Variants in LRRK1 observed in about 807,000 individuals in gnomAD.
LRRK1 encodes the protein leucine-rich repeat serine/threonine-protein kinase 1.
In LRRK1, 113 loss-of-function variants were observed where a neutral mutation model predicts 209.1. The ratio of observed to expected loss-of-function variants is 0.54; its 90% CI spans 0.46 to 0.63. The LOEUF (loss-of-function observed/expected upper bound fraction) is 0.63, where lower values mean the gene tolerates loss of function less well. LRRK1 is among the 30% of genes least tolerant of loss of function. The pLI is 0.00. For synonymous variants in LRRK1, 1,144 were observed against 1,099.7 expected (o/e 1.04, Z -0.80); for missense variants, 2,284 against 2,632.2 (o/e 0.87, Z 2.89).
At chr15:101,052,861 GC>G in intron 24 of LRRK1, 60 bp from the exon 25 acceptor site, 1 of 1,564,448 alleles carries the variant, frequency 6.4e-7, no homozygotes, top group Non-Finnish European at 8.7e-7. Context: ...AAATGACCCA[GC>G]CCAGGACCCA....
chr15:100,974,212 C>T lies in LRRK1; in HGVS notation c.261+245C>T, dbSNP rs2031158418. 6 of 375,792 alleles carry T rather than the reference C, an allele frequency of 1.6e-5. No homozygotes were observed. In the Admixed American group the frequency reaches 2.7e-4, roughly 17 times the overall value. 23.3% of individuals were successfully genotyped at this position (375,792 alleles called of 1,614,324 possible). On this transcript the variant is annotated intron_variant, in intron 3 of 33. Transcript: ENST00000388948. ...GGCCTTTGAGGGACGGGGGTGTGGT[C>T]ACTTAAATGTAAAGAACAAAATGCC...
rs1555460104 is a variant in LRRK1, at chr15:100,951,964, A to AAT, written c.98-21839_98-21838insTA. Among the ~76,000 whole-genome samples the AAT allele has an allele frequency of 5.0e-3, 730 of 146,550 alleles. 4 individuals carry two copies. The highest frequency in any genetic ancestry group is 0.018 in the Middle Eastern group (5 of 282). ...GCGAAACTCCATCTCAGAAAAAAAAAAATAATAATAATAATAATAATAAAA... is the reference window on the plus strand; with the variant it reads ...GCGAAACTCCATCTCAGAAAAAAAAAATAATAATAATAATAATAATAATAAAA... On this transcript the variant is annotated intron_variant, in intron 2 of 33. Coordinates refer to ENST00000388948, the MANE Select transcript of LRRK1 (RefSeq NM_024652.6).
At chr15:100,998,582 C>T (rs1002377847) in intron 6 of LRRK1, among the ~76,000 whole-genome samples, 10 of 123,964 alleles carry the variant, frequency 8.1e-5, no homozygotes, top group East Asian at 2.6e-4. Flanking sequence ...TTTGCCCCTC[C>T]GTATAGGACT....
In LRRK1 at chr15:101,058,249, G is replaced by A. The variant is rs368144894; in HGVS notation, c.4679+108G>A. 48 of 1,160,618 alleles carry A rather than the reference G, an allele frequency of 4.1e-5. No individual in the cohort carries two copies. The South Asian group carries it at 4.4e-4, about 11-fold the overall frequency. 71.9% of individuals were successfully genotyped at this position (1,160,618 alleles called of 1,614,324 possible). On this transcript the variant is annotated intron_variant, in intron 29 of 33. Coordinates refer to ENST00000388948, the MANE Select transcript of LRRK1 (RefSeq NM_024652.6). ...CCACAGTGAGAATTATTTAGCAGAC[G>A]GTAGGGTCCAGAACCTGGTTAGACT...
intron 23 of LRRK1, among the ~76,000 whole-genome samples, chr15:101,050,518 G>A (rs969951991): frequency 3.0e-4 from 45 of 151,880 alleles, no homozygotes; most frequent in Middle Eastern, 3.4e-3. Flanking sequence ...CAGGCTGCCC[G>A]AGAGCCTCAG....
At chr15:101,035,093 A>G (rs574898489) in intron 20 of LRRK1, among the ~76,000 whole-genome samples, 20 of 151,338 alleles carry the variant, frequency 1.3e-4, no homozygotes, top group African/African-American at 4.8e-4. Context: ...ATTCCATTTT[A>G]TTTCTGCTCT....
rs370160610 is a variant in LRRK1 at position 100,963,766 on chromosome 15, G to A, written c.98-10038G>A. On this transcript the variant is annotated intron_variant, in intron 2 of 33. Transcript: ENST00000388948. ...CTCCCGCTTTCTGAAATGACCATCC[G>A]GTTGGCAAGGCCTCCCACGATGGCC... Among the ~76,000 whole-genome samples the A allele has an allele frequency of 1.6e-4, 25 of 152,274 alleles. 2 individuals are homozygous for A. The highest frequency in any genetic ancestry group is 7.8e-4 in the Admixed American group (12 of 15,304).
At chr15:100,988,609 C>T in intron 4 of LRRK1, 25 bp from the exon 5 acceptor site, 4 of 1,613,250 alleles carry the variant, frequency 2.5e-6, no homozygotes, top group Non-Finnish European at 3.4e-6. Context: ...TGGCACTTTC[C>T]CTTTGTCCTG....
chr15:101,002,939 C>T (rs570024212), intron 6 of LRRK1, among the ~76,000 whole-genome samples: 3 of 152,134 alleles, frequency 2.0e-5, no homozygotes, highest in Non-Finnish European at 2.9e-5. Context: ...ACCATGTTGT[C>T]CAGGCTGATC....
chr15:101,072,095 A>G lies in LRRK1; in HGVS notation c.*3247A>G, dbSNP rs1441189723. ...GCAGGATTATTAGATGATTCAGTCA[A>G]CTTTACAACTCACTTTGCTGAATGG... On this transcript the variant is annotated 3_prime_UTR_variant, in exon 34 of 34. Transcript: ENST00000388948. 6.6e-6 allele frequency: 1 copy of G among 152,230 alleles called. No individual in the cohort carries two copies. Among genetic ancestry groups the G allele is most frequent in the Non-Finnish European group, 1.5e-5 (1 of 68,048 alleles). The allele number at this position is 152,230 out of a possible 1,614,324, so 9.4% of individuals were successfully genotyped here.
rs568094193 is a variant in LRRK1 at position 101,024,651 on chromosome 15, T to C, written c.2068-152T>C. 2 of 816,214 alleles carry C rather than the reference T, an allele frequency of 2.5e-6. No homozygotes were observed. Among genetic ancestry groups the C allele is most frequent in the Non-Finnish European group, 3.8e-6 (2 of 525,046 alleles). 50.6% of individuals were successfully genotyped at this position (816,214 alleles called of 1,614,324 possible). A position where few individuals can be genotyped will look rare whatever the true frequency, so the allele number is the denominator to read the frequency against. On this transcript the variant is annotated intron_variant, in intron 15 of 33. Transcript: ENST00000388948. The surrounding 1 kb of genome is among the most constrained non-coding windows in gnomAD (Gnocchi z 4.6). ...CCTGTCCCTCGCCCAGATAACTGTT[T>C]CCTAAGAAACAATAGAGTGTCCAGA...
chr15:100,965,480 C>T (rs992616959), intron 2 of LRRK1, among the ~76,000 whole-genome samples: 2 of 152,168 alleles, frequency 1.3e-5, no homozygotes, highest in African/African-American at 4.8e-5. Flanking sequence ...CATTGAAATA[C>T]CAGCATACAG....
In LRRK1 at chr15:100,929,825, G is replaced by A. The variant is rs957420646; in HGVS notation, c.97+5096G>A. Among the ~76,000 whole-genome samples, 3 of 152,246 alleles carry A rather than the reference G, an allele frequency of 2.0e-5. No homozygotes were observed. The East Asian group carries it at 5.8e-4, about 29-fold the overall frequency. ...CAGCCCCTCCAGGGAGCACAGCCAC[G>A]TCTGGTCAGGAATCTTTTAATGAGT... On this transcript the variant is annotated intron_variant, in intron 2 of 33. Coordinates refer to ENST00000388948, the MANE Select transcript of LRRK1 (RefSeq NM_024652.6).
At chr15:101,014,103 C>G (rs1045173128) in intron 10 of LRRK1, among the ~76,000 whole-genome samples, 29 of 152,104 alleles carry the variant, frequency 1.9e-4, no homozygotes, top group African/African-American at 7.0e-4. Context: ...GAGGGAGGAG[C>G]TCCTGTAGAT....
In LRRK1 at chr15:101,061,216, G is replaced by C; in HGVS notation, c.4725G>C (p.Gln1575His). The C allele has an allele frequency of 2.5e-6, 4 of 1,614,206 alleles. No homozygotes were observed. Among genetic ancestry groups the C allele is most frequent in the Non-Finnish European group, 2.5e-6 (3 of 1,180,032 alleles). ...VNTEKGLMEVQRMCCPGMKVS... is the reference protein window; with the variant it reads ...VNTEKGLMEVHRMCCPGMKVS... Reference sequence around the variant, plus strand: ...CAGAGAAGGGCCTCATGGAGGTGCAGAGGATGTGCTGCCCTGGGATGAAGG... The same window carrying C: ...CAGAGAAGGGCCTCATGGAGGTGCACAGGATGTGCTGCCCTGGGATGAAGG... Residue 1575 changes from glutamine to histidine, a missense_variant, in exon 30 of 34, where the codon CAG (glutamine) becomes CAC (histidine). Around this residue, in one of 6 missense-constraint regions of LRRK1, gnomAD observed 643 missense variants for 695.9 expected, o/e 0.92. Coordinates refer to ENST00000388948, the MANE Select transcript of LRRK1 (RefSeq NM_024652.6).
rs936147015 is a variant in LRRK1 at position 100,988,888 on chromosome 15, T to C, written c.613+75T>C. ...AGCCTCCAGATGTGGGACTGTGTCTTTATTCTCACTCTTGGCTCTCAAATC... is the reference window on the plus strand; with the variant it reads ...AGCCTCCAGATGTGGGACTGTGTCTCTATTCTCACTCTTGGCTCTCAAATC... On this transcript the variant is annotated intron_variant, in intron 5 of 33. Coordinates refer to ENST00000388948, the MANE Select transcript of LRRK1 (RefSeq NM_024652.6). The C allele has an allele frequency of 9.8e-6, 12 of 1,229,502 alleles. No individual in the cohort carries two copies. In the East Asian group the frequency reaches 2.9e-4, roughly 30 times the overall value. The allele number at this position is 1,229,502 out of a possible 1,614,324, so 76.2% of individuals were successfully genotyped here. A position where few individuals can be genotyped will look rare whatever the true frequency, so the allele number is the denominator to read the frequency against.
Position 101,012,072 on chromosome 15 carries a change from A to G in LRRK1, c.1346A>G (p.Lys449Arg). 1 of 1,613,102 alleles carries G rather than the reference A, an allele frequency of 6.2e-7. No individual in the cohort carries two copies. Among genetic ancestry groups the G allele is most frequent in the Non-Finnish European group, 8.5e-7 (1 of 1,179,440 alleles). The change falls in exon 10 of 34, where the codon AAA (lysine) becomes AGA (arginine). Residue 449 changes from lysine (K) to arginine (R), a missense_variant. By Grantham distance (26) the Lys-to-Arg change is conservative (BLOSUM62 2). Around this residue, in one of 6 missense-constraint regions of LRRK1, gnomAD observed 494 missense variants for 522.1 expected, o/e 0.95. Transcript: ENST00000388948. ...CLPDKMAVFW[K>R]NHLKDVDFSE... The stretch of plus-strand genomic sequence containing the variant: ...CCAGACAAAATGGCTGTCTTTTGGA[A>G]AAATCACCTGAAGGATGTGGATTTC...
At chr15:100,928,495 G>A (rs1359719221) in intron 2 of LRRK1, among the ~76,000 whole-genome samples, 1 of 152,020 alleles carries the variant, frequency 6.6e-6, no homozygotes, top group Non-Finnish European at 1.5e-5. Flanking sequence ...CTCCGGCTGA[G>A]AAAAGTTGGC....
intron 1 of LRRK1, chr15:100,920,112 G>C (rs1047769759): frequency 6.5e-6 from 1 of 152,832 alleles, no homozygotes; most frequent in Non-Finnish European, 1.5e-5. Flanking sequence ...GGCAGGCAGG[G>C]ACGCGGGAAG....
Sources: allele counts gnomAD v4.1 joint callset (sites outside exome capture counted in the v4.1 genomes callset), GRCh38; gene constraint gnomAD v4.1.1; regional missense constraint gnomAD v4.1.1; non-coding constraint Gnocchi (gnomAD v3.1); transcripts MANE v1.5; gene names NCBI Gene and HGNC (gene_info 2026-07-23, HGNC 2026-07-21).